SUPT6H: variants seen among roughly 807,000 people sequenced by gnomAD.
SUPT6H encodes SPT6 homolog, histone chaperone and transcription elongation factor.
SUPT6H carries 11 observed loss-of-function variants against 222.3 expected under a neutral mutation model. That is an observed-to-expected ratio of 0.05 (90% CI 0.03 to 0.08). SUPT6H has a LOEUF of 0.08. Ranked by LOEUF, SUPT6H falls within the 10% of genes least tolerant of loss-of-function variation. The pLI is 1.00. For synonymous variants in SUPT6H, 762 were observed against 801.2 expected (o/e 0.95, Z 0.83); for missense variants, 1,422 against 2,216.0 (o/e 0.64, Z 7.19).
chr17:28,696,545 G>A (rs368344565), intron 29 of SUPT6H, among the ~76,000 whole-genome samples: 11 of 139,466 alleles, frequency 7.9e-5, no homozygotes, highest in African/African-American at 2.5e-4. Flanking sequence ...CCAGAATTGC[G>A]CCACTGCACT....
chr17:28,693,940 G>T lies in SUPT6H; in HGVS notation c.3774+104G>T, dbSNP rs549807746. On this transcript the variant is annotated intron_variant, in intron 28 of 36. Coordinates refer to ENST00000314616, the MANE Select transcript of SUPT6H (RefSeq NM_003170.5). ...CACCAGAAGTTAGGCTCTGTTCCCA[G>T]TGGCTGCTGGTGGGAAGTGTTTCAG... is the stretch of plus-strand genomic sequence containing the variant. The T allele has an allele frequency of 3.4e-6, 5 of 1,449,740 alleles. No homozygotes were observed. In the Admixed American group the frequency reaches 7.9e-5, roughly 23 times the overall value. 89.8% of individuals were successfully genotyped at this position (1,449,740 alleles called of 1,614,324 possible).
chr17:28,675,011 C>T lies in SUPT6H; in HGVS notation c.387C>T (p.Asp129=), dbSNP rs945426111. 3.1e-6 allele frequency: 5 copies of T among 1,613,686 alleles called. No homozygotes were observed. The highest frequency in any genetic ancestry group is 1.1e-5 in the South Asian group (1 of 91,038). ...TCAAAAAAATGTCAGATGACGAGGA[C>T]GATGACGAGGAGGAATATGGCAAGG... ...RRVKKMSDDE[D]DDEEEYGKEE... is the part of the protein sequence containing the mutation. The change falls in exon 5 of 37, where the codon GAC becomes GAT. Residue 129 remains aspartate, a synonymous_variant. Transcript: ENST00000314616.
intron 1 of SUPT6H, among the ~76,000 whole-genome samples, chr17:28,665,238 C>T (rs1014253030): frequency 1.3e-5 from 2 of 152,216 alleles, no homozygotes; most frequent in Non-Finnish European, 2.9e-5. Context: ...TGCCCACTTT[C>T]TCTACTGGAA....
chr17:28,700,843 A>G, intron 35 of SUPT6H, 98 bp from the exon 36 acceptor site: 3 of 1,404,438 alleles, frequency 2.1e-6, no homozygotes, highest in Non-Finnish European at 2.9e-6. Flanking sequence ...GATCATCTGG[A>G]AAGCTTTGCT....
Position 28,701,460 on chromosome 17 carries a change from C to A in SUPT6H, c.5016C>A (p.Ile1672=), listed in dbSNP as rs982302567. The change falls in exon 37 of 37, where the codon ATC becomes ATA. Residue 1672 remains isoleucine, a synonymous_variant. Transcript: ENST00000314616. Reference sequence around the variant, plus strand: ...CCAGGTCCAACAGCCATGCAGCCATCGACTGGGGAAAAATGGCGGAGCAGT... The same window carrying A: ...CCAGGTCCAACAGCCATGCAGCCATAGACTGGGGAAAAATGGCGGAGCAGT... ...QQPKSNSHAA[I]DWGKMAEQWL... 1.2e-6 allele frequency: 2 copies of A among 1,614,114 alleles called. No individual in the cohort carries two copies. The highest frequency in any genetic ancestry group is 1.7e-6 in the Non-Finnish European group (2 of 1,180,004).
chr17:28,664,664 A>G (rs560022114), intron 1 of SUPT6H, among the ~76,000 whole-genome samples: 49 of 152,338 alleles, frequency 3.2e-4, no homozygotes, highest in African/African-American at 1.1e-3. Context: ...TCTATGTTGC[A>G]GAATCACGCG....
intron 1 of SUPT6H, among the ~76,000 whole-genome samples, chr17:28,667,405 GTATATATATATATATA>G (rs59286877): frequency 6.1e-5 from 3 of 49,304 alleles, no homozygotes; most frequent in East Asian, 8.5e-4. Flanking sequence ...GTGTGTGTGT[GTATATATATATATATA>G]TATATATATA....
At chr17:28,667,449 G>A (rs1222227919) in intron 1 of SUPT6H, among the ~76,000 whole-genome samples, 3 of 129,298 alleles carry the variant, frequency 2.3e-5, no homozygotes, top group Admixed American at 1.6e-4. Flanking sequence ...ATGTGTGTGT[G>A]TATACATATG....
chr17:28,666,103 A>T (rs1003370559), intron 1 of SUPT6H, among the ~76,000 whole-genome samples: 2 of 152,156 alleles, frequency 1.3e-5, no homozygotes, highest in African/African-American at 4.8e-5. Flanking sequence ...CACGTCTCTG[A>T]CATCACTCCC....
rs758046179 is a variant in SUPT6H, at chr17:28,681,263, G to A, written c.1357G>A (p.Asp453Asn). 23 of 1,613,700 alleles carry A rather than the reference G, an allele frequency of 1.4e-5. No homozygotes were observed. The highest frequency in any genetic ancestry group is 1.9e-5 in the Non-Finnish European group (22 of 1,179,944). ...ATGTCTCTTCTTTTTCAGGCTCAAG[G>A]ATGTCCAATCAATGGATGAGCTGAA... ...LDTTDMERLKDVQSMDELKDV... is the reference protein window; with the variant it reads ...LDTTDMERLKNVQSMDELKDV... The change falls in exon 12 of 37, where the codon GAT becomes AAT. Residue 453 changes from aspartate (D) to asparagine (N), a missense_variant. Physicochemically the swap from Asp to Asn is conservative, Grantham distance 23. Coordinates refer to ENST00000314616, the MANE Select transcript of SUPT6H (RefSeq NM_003170.5).
At chr17:28,696,585 CAAAAAAA>C (rs368924462) in intron 29 of SUPT6H, among the ~76,000 whole-genome samples, 1 of 54,030 alleles carries the variant, frequency 1.9e-5, no homozygotes, top group African/African-American at 7.1e-5. Flanking sequence ...GAGACTGTCT[CAAAAAAA>C]AAAAAAAAAA....
At chr17:28,664,974 A>G (rs1486298104) in intron 1 of SUPT6H, among the ~76,000 whole-genome samples, 1 of 151,930 alleles carries the variant, frequency 6.6e-6, no homozygotes, top group Non-Finnish European at 1.5e-5. Context: ...CCAAGCCACC[A>G]CCATCTTTTG....
Position 28,684,608 on chromosome 17 carries a change from A to T in SUPT6H, c.2252A>T (p.Asn751Ile). 1.2e-6 allele frequency: 2 copies of T among 1,614,082 alleles called. No individual in the cohort carries two copies. The highest frequency in any genetic ancestry group is 1.7e-6 in the Non-Finnish European group (2 of 1,180,020). ...VIKACSRKLYNWLRVAPYRPD... is the reference protein window; with the variant it reads ...VIKACSRKLYIWLRVAPYRPD... The stretch of plus-strand genomic sequence containing the variant: ...CAGGCCTGTAGTCGAAAGCTCTACA[A>T]TTGGTTGAGAGTGGCACCCTACCGA... Residue 751 changes from asparagine (N) to isoleucine (I), a missense_variant, in exon 18 of 37, where the codon AAT becomes ATT. Physicochemically the swap from Asn to Ile is moderately radical, Grantham distance 149. Transcript: ENST00000314616.
chr17:28,691,012 G>A lies in SUPT6H; in HGVS notation c.3582G>A (p.Gly1194=), dbSNP rs2031615656. The A allele has an allele frequency of 2.5e-6, 4 of 1,614,148 alleles. No individual in the cohort carries two copies. The East Asian group carries it at 8.9e-5, about 36-fold the overall frequency. ...AGGCGATCCGCAATGATGAGACAGG[G>A]CTGTGGCAGTGCCCCTTCTGTCAGC... is the stretch of plus-strand genomic sequence containing the variant. The part of the protein sequence containing the change: ...YDQAIRNDET[G]LWQCPFCQQD... Residue 1194 remains glycine (G), a synonymous_variant, in exon 27 of 37, where the codon GGG becomes GGA. Coordinates refer to ENST00000314616, the MANE Select transcript of SUPT6H (RefSeq NM_003170.5).
chr17:28,701,713 C>T lies in SUPT6H; in HGVS notation c.*88C>T. ...TCCCTCCCTGCCCCTCCTTTTATGT[C>T]CATAAAGTGGCGTGAAGTGAGACGT... On this transcript the variant is annotated 3_prime_UTR_variant, in exon 37 of 37. Coordinates refer to ENST00000314616, the MANE Select transcript of SUPT6H (RefSeq NM_003170.5). The T allele has an allele frequency of 7.2e-7, 1 of 1,396,794 alleles. No individual in the cohort carries two copies. Among genetic ancestry groups the T allele is most frequent in the Non-Finnish European group, 9.7e-7 (1 of 1,030,148 alleles). The allele number at this position is 1,396,794 out of a possible 1,614,324, so 86.5% of individuals were successfully genotyped here. A position where few individuals can be genotyped will look rare whatever the true frequency, so the allele number is the denominator to read the frequency against.
At chr17:28,672,208 G>T (rs1408464586) in intron 1 of SUPT6H, among the ~76,000 whole-genome samples, 1 of 152,144 alleles carries the variant, frequency 6.6e-6, no homozygotes, top group African/African-American at 2.4e-5. Flanking sequence ...TTATAAAGTT[G>T]GCACTTATTG....
intron 27 of SUPT6H, 55 bp from the exon 28 acceptor site, chr17:28,693,641 A>T (rs141195455): frequency 1.5e-5 from 24 of 1,605,712 alleles, no homozygotes; most frequent in Middle Eastern, 1.7e-4. Flanking sequence ...TCTTTTCTGA[A>T]TGAGCGATCT....
At chr17:28,697,504 G>A in intron 30 of SUPT6H, 116 bp from the exon 31 acceptor site, 1 of 742,612 alleles carries the variant, frequency 1.3e-6, no homozygotes. Context: ...TAAACTGAGG[G>A]GACTTTGCTA....
rs1283366086 is a variant in SUPT6H, at chr17:28,674,426, A to G, written c.253A>G (p.Lys85Glu). 6.2e-7 allele frequency: 1 copy of G among 1,613,924 alleles called. No homozygotes were observed. The highest frequency in any genetic ancestry group is 8.5e-7 in the Non-Finnish European group (1 of 1,179,868). Reference protein sequence around the residue: ...SGDSEDDVGHKKRKRTSFDDR... With the variant: ...SGDSEDDVGHEKRKRTSFDDR... Reference sequence around the variant, plus strand: ...TGATTCAGAAGATGATGTTGGCCACAAGAAGAGAAAACGCAGTGAGTAGTC... The same window carrying G: ...TGATTCAGAAGATGATGTTGGCCACGAGAAGAGAAAACGCAGTGAGTAGTC... Residue 85 changes from lysine (K) to glutamate (E), a missense_variant, in exon 3 of 37, where the codon AAG (lysine) becomes GAG (glutamate). By Grantham distance (56) the Lys-to-Glu change is moderately conservative. This residue lies in a region of SUPT6H where 89 missense variants were observed against 118.9 expected (regional missense o/e 0.75). Transcript: ENST00000314616.
Sources: allele counts gnomAD v4.1 joint callset (sites outside exome capture counted in the v4.1 genomes callset), GRCh38; gene constraint gnomAD v4.1.1; regional missense constraint gnomAD v4.1.1; transcripts MANE v1.5; gene names NCBI Gene and HGNC (gene_info 2026-07-23, HGNC 2026-07-21).